Variants in LRBA observed in about 807,000 individuals in gnomAD.
LRBA encodes LPS responsive beige-like anchor protein, also known as lipopolysaccharide-responsive and beige-like anchor protein.
Under a neutral mutation model 330.0 loss-of-function variants are expected in LRBA, and 176 were observed. That is an observed-to-expected ratio of 0.53 (90% CI 0.47 to 0.60). The LOEUF is 0.60. Among genes scored for constraint, LRBA ranks in the 20% least tolerant of loss-of-function variants. The pLI is 0.00. For synonymous variants in LRBA, 1,230 were observed against 1,193.0 expected (o/e 1.03, Z -0.64); for missense variants, 3,259 against 3,444.8 (o/e 0.95, Z 1.35).
In LRBA at chr4:150,350,033, C is replaced by T. The variant is rs965620037; in HGVS notation, c.7321G>A (p.Ala2441Thr). 1.2e-6 allele frequency: 2 copies of T among 1,613,704 alleles called. No individual in the cohort carries two copies. The highest frequency in any genetic ancestry group is 1.3e-5 in the African/African-American group (1 of 74,880). ...NVFYYLTYEG[A>T]VNLNSITDPV... ...TCAGTTATTGAATTCAGATTGACAGCTCCTTCATAGGTCAAGTAATAGAAC... is the reference window on the plus strand; with the variant it reads ...TCAGTTATTGAATTCAGATTGACAGTTCCTTCATAGGTCAAGTAATAGAAC... Residue 2441 changes from alanine to threonine, a missense_variant, in exon 48 of 57, where the codon GCT becomes ACT. Transcript: ENST00000651943.
intron 37 of LRBA, among the ~76,000 whole-genome samples, chr4:150,661,469 CAAAA>C (rs563120801): frequency 6.2e-5 from 4 of 64,968 alleles, no homozygotes; most frequent in African/African-American, 5.0e-5. Flanking sequence ...GACTCTGTCT[CAAAA>C]AAAAAAAAAA....
chr4:150,953,527 C>T (rs1737107023), intron 2 of LRBA, among the ~76,000 whole-genome samples: 1 of 152,090 alleles, frequency 6.6e-6, no homozygotes. Flanking sequence ...CCACACCTGA[C>T]TGGTTTTCGT....
chr4:151,002,935 G>A (rs955597951), intron 2 of LRBA, among the ~76,000 whole-genome samples: 1 of 151,792 alleles, frequency 6.6e-6, no homozygotes, highest in Admixed American at 6.6e-5. Flanking sequence ...GATAGTTTGA[G>A]CCCAGGAGGT....
At chr4:150,351,719 A>C (rs1737209837) in intron 47 of LRBA, among the ~76,000 whole-genome samples, 1 of 152,136 alleles carries the variant, frequency 6.6e-6, no homozygotes, top group African/African-American at 2.4e-5. Flanking sequence ...AAAACTATAC[A>C]GTAATCCCCC....
chr4:150,401,144 T>C lies in LRBA; in HGVS notation c.7194+14294A>G, dbSNP rs557176499. ...GAAGACCGAGGTTACACTGCTGCAA[T>C]TGAAGGACCTATCAGAAGCTCGGAG... On this transcript the variant is annotated intron_variant, in intron 47 of 56. Coordinates refer to ENST00000651943, the MANE Select transcript of LRBA (RefSeq NM_001364905.1). Among the ~76,000 whole-genome samples, 6 of 152,336 alleles carry C rather than the reference T, an allele frequency of 3.9e-5. No individual in the cohort carries two copies. In the East Asian group the frequency reaches 7.7e-4, roughly 20 times the overall value.
Position 150,872,773 on chromosome 4 carries a change from T to A in LRBA, c.2166-18A>T, listed in dbSNP as rs776269188. Reference sequence around the variant, plus strand: ...AGATAACACTGAATGAATAAAAATTTAAAACAAACTATTTTGAGTATAATT... The same window carrying A: ...AGATAACACTGAATGAATAAAAATTAAAAACAAACTATTTTGAGTATAATT... On this transcript the variant is annotated intron_variant, in intron 17 of 56. Coordinates refer to ENST00000651943, the MANE Select transcript of LRBA (RefSeq NM_001364905.1). 3.5e-5 allele frequency: 45 copies of A among 1,289,218 alleles called. No homozygotes were observed. The South Asian group carries it at 5.7e-4, about 16-fold the overall frequency. The allele number at this position is 1,289,218 out of a possible 1,614,324, so 79.9% of individuals were successfully genotyped here. A position where few individuals can be genotyped will look rare whatever the true frequency, so the allele number is the denominator to read the frequency against.
chr4:150,426,256 C>A (rs960710638), intron 46 of LRBA, among the ~76,000 whole-genome samples: 3 of 151,690 alleles, frequency 2.0e-5, no homozygotes, highest in South Asian at 2.1e-4. Flanking sequence ...CAATCATTTT[C>A]AAAATTGGAA....
intron 38 of LRBA, among the ~76,000 whole-genome samples, chr4:150,592,144 GTTTTT>G (rs10685627): frequency 1.4e-4 from 9 of 65,166 alleles, no homozygotes; most frequent in East Asian, 1.3e-3. Context: ...GATGGCTAGG[GTTTTT>G]TTTTTTTTTT....
At chr4:150,417,551 T>G (rs1747959279) in intron 46 of LRBA, among the ~76,000 whole-genome samples, 1 of 152,114 alleles carries the variant, frequency 6.6e-6, no homozygotes, top group South Asian at 2.1e-4. Context: ...GCTGCCCACT[T>G]CCACCCCCAA....
intron 35 of LRBA, among the ~76,000 whole-genome samples, chr4:150,745,315 A>C (rs1256364314): frequency 6.6e-6 from 1 of 152,194 alleles, no homozygotes; most frequent in Non-Finnish European, 1.5e-5. Flanking sequence ...AATACAAATA[A>C]AATTAGAACA....
At chr4:150,923,586 G>A (rs1156424166) in intron 4 of LRBA, among the ~76,000 whole-genome samples, 1 of 152,164 alleles carries the variant, frequency 6.6e-6, no homozygotes, top group Non-Finnish European at 1.5e-5. Flanking sequence ...TATAAAAGCT[G>A]CAACGCTGAG....
chr4:150,393,504 GA>G (rs1429881004), intron 47 of LRBA, among the ~76,000 whole-genome samples: 1 of 131,762 alleles, frequency 7.6e-6, no homozygotes, highest in African/African-American at 2.8e-5. Context: ...CCTTTTATTA[GA>G]GACAGGGTCT....
At chr4:150,311,636 T>C (rs1731083454) in intron 51 of LRBA, among the ~76,000 whole-genome samples, 1 of 152,184 alleles carries the variant, frequency 6.6e-6, no homozygotes, top group East Asian at 1.9e-4. Context: ...GAAATTCTGC[T>C]AATGTCTGTG....
chr4:150,786,067 T>C (rs2126618248), intron 34 of LRBA, among the ~76,000 whole-genome samples: 1 of 152,250 alleles, frequency 6.6e-6, no homozygotes, highest in African/African-American at 2.4e-5. Context: ...CTCGTCTAGC[T>C]CCACCAGGTT....
At chr4:150,728,573 A>G (rs186635112) in intron 36 of LRBA, among the ~76,000 whole-genome samples, 1 of 152,246 alleles carries the variant, frequency 6.6e-6, no homozygotes, top group African/African-American at 2.4e-5. Context: ...GTGATACATG[A>G]TATCAACAGA....
At chr4:150,315,347 G>T in intron 51 of LRBA, 1 of 585,678 alleles carries the variant, frequency 1.7e-6, no homozygotes, top group Non-Finnish European at 3.0e-6. Flanking sequence ...TCAGTGACAC[G>T]CGTCCTAGGC....
At chr4:150,795,740 A>G (rs1740688096) in intron 34 of LRBA, among the ~76,000 whole-genome samples, 2 of 152,002 alleles carry the variant, frequency 1.3e-5, no homozygotes, top group Admixed American at 1.3e-4. Flanking sequence ...AATCTTAGTC[A>G]AAACAAATAT....
chr4:150,692,204 G>GTGTTTGTTTGTT (rs113091683), intron 36 of LRBA, among the ~76,000 whole-genome samples: 1 of 151,730 alleles, frequency 6.6e-6, no homozygotes, highest in Non-Finnish European at 1.5e-5. Context: ...TATTTAAGAA[G>GTGTTTGTTTGTT]TGTTTGTTTG....
intron 36 of LRBA, among the ~76,000 whole-genome samples, chr4:150,730,387 T>C (rs1427261708): frequency 6.6e-6 from 1 of 152,042 alleles, no homozygotes; most frequent in Non-Finnish European, 1.5e-5. Flanking sequence ...AACAGGCACA[T>C]GAAAAGGTGT....
Sources: allele counts gnomAD v4.1 joint callset (sites outside exome capture counted in the v4.1 genomes callset), GRCh38; gene constraint gnomAD v4.1.1; transcripts MANE v1.5; gene names NCBI Gene and HGNC (gene_info 2026-07-23, HGNC 2026-07-21).